Variants in TTC13 observed in about 807,000 individuals in gnomAD.
TTC13 encodes the protein tetratricopeptide repeat protein 13.
TTC13 carries 62 observed loss-of-function variants against 120.0 expected under a neutral mutation model. The observed-to-expected ratio is 0.52, with a 90% CI of 0.42 to 0.64. The LOEUF is 0.64. Among genes scored for constraint, TTC13 ranks in the 30% least tolerant of loss-of-function variants. TTC13 has a pLI of 0.00. For missense variants in TTC13, 824 were observed against 1,050.2 expected (o/e 0.78, Z 2.98); for synonymous variants, 384 against 393.5 (o/e 0.98, Z 0.28).
At chr1:230,933,903 T>C in intron 8 of TTC13, 42 bp from the exon 9 acceptor site, 2 of 1,310,460 alleles carry the variant, frequency 1.5e-6, no homozygotes, top group Non-Finnish European at 2.2e-6. Context: ...TGCATAATTG[T>C]TAAAATTGAG....
In TTC13 at chr1:230,939,370, T is replaced by G; in HGVS notation, c.900+16A>C. On this transcript the variant is annotated intron_variant, in intron 8 of 22. Coordinates refer to ENST00000366661, the MANE Select transcript of TTC13 (RefSeq NM_024525.5). ...GCAGAGTCATCATATGGTACACATA[T>G]GCACAACACTTTCACCTTCAGAAGT... 1 of 1,540,322 alleles carries G rather than the reference T, an allele frequency of 6.5e-7. No individual in the cohort carries two copies. Among genetic ancestry groups the G allele is most frequent in the Middle Eastern group, 1.7e-4 (1 of 5,894 alleles).
At chr1:230,955,670 C>CAAAAAAA (rs34027679) in intron 3 of TTC13, among the ~76,000 whole-genome samples, 18 of 106,006 alleles carry the variant, frequency 1.7e-4, no homozygotes, top group African/African-American at 4.9e-4. Flanking sequence ...GACTCCATCT[C>CAAAAAAA]AAAAAAAAAA....
In TTC13 at chr1:230,978,458, G is replaced by C. The variant is rs1443839692; in HGVS notation, c.271+102C>G. On this transcript the variant is annotated intron_variant, in intron 1 of 22. Coordinates refer to ENST00000366661, the MANE Select transcript of TTC13 (RefSeq NM_024525.5). The surrounding 1 kb of genome is among the most constrained non-coding windows in gnomAD (Gnocchi z 5.6). Reference sequence around the variant, plus strand: ...CGGCTCCCGCGGATCGCGCGCCGCAGCCGGAGGCGTGAGGCCCGGGCGACC... The same window carrying C: ...CGGCTCCCGCGGATCGCGCGCCGCACCCGGAGGCGTGAGGCCCGGGCGACC... 3 of 306,804 alleles carry C rather than the reference G, an allele frequency of 9.8e-6. No homozygotes were observed. Among genetic ancestry groups the C allele is most frequent in the Non-Finnish European group, 1.7e-5 (3 of 171,858 alleles). 19.0% of individuals were successfully genotyped at this position (306,804 alleles called of 1,614,324 possible). A position where few individuals can be genotyped will look rare whatever the true frequency, so the allele number is the denominator to read the frequency against.
chr1:230,936,686 T>C (rs1270670647), intron 8 of TTC13: 5 of 158,532 alleles, frequency 3.2e-5, no homozygotes, highest in African/African-American at 1.2e-4. Flanking sequence ...TTACATCATA[T>C]AGTAAATAAG....
At chr1:230,932,854 A>C (rs1007012883) in intron 9 of TTC13, among the ~76,000 whole-genome samples, 2 of 152,186 alleles carry the variant, frequency 1.3e-5, no homozygotes, top group African/African-American at 4.8e-5. Flanking sequence ...CACCTTTACA[A>C]GTGAGAAGCC....
intron 1 of TTC13, among the ~76,000 whole-genome samples, chr1:230,968,870 T>C (rs1444676485): frequency 6.6e-6 from 1 of 152,232 alleles, no homozygotes; most frequent in Non-Finnish European, 1.5e-5. Flanking sequence ...CTCTCTAGCA[T>C]GTAGTTAAGA....
chr1:230,921,459 T>G lies in TTC13; in HGVS notation c.1860A>C (p.Ile620=), dbSNP rs1183661246. The G allele has an allele frequency of 6.4e-7, 1 of 1,553,110 alleles. No homozygotes were observed. Among genetic ancestry groups the G allele is most frequent in the Non-Finnish European group, 8.8e-7 (1 of 1,142,436 alleles). The change falls in exon 16 of 23, where the codon ATA becomes ATC. Residue 620 remains isoleucine (I), a synonymous_variant. Transcript: ENST00000366661. ...NMRYLEYFEK[I]LHFIKDRILV... ...GAATTCTGTCTTTAATAAAATGAAG[T>G]ATTTTCTCAAAATATTCTAGGTATC...
chr1:230,969,317 A>T (rs952246737), intron 1 of TTC13, among the ~76,000 whole-genome samples: 14 of 152,206 alleles, frequency 9.2e-5, no homozygotes, highest in African/African-American at 3.4e-4. Context: ...ACGTTTAATA[A>T]GAGAAGAGTT....
At chr1:230,947,438 G>A (rs1454839274) in intron 4 of TTC13, among the ~76,000 whole-genome samples, 2 of 152,122 alleles carry the variant, frequency 1.3e-5, no homozygotes, top group Non-Finnish European at 2.9e-5. Flanking sequence ...GAGGCGGTAA[G>A]CCCAGTGAGC....
At position 230,916,039 on chromosome 1, in the gene TTC13, T is replaced by A. The variant is rs535037592; in HGVS notation, c.2093+154A>T. ...TAATACTTTAGATGTCACATTTTTT[T>A]AAATAACTGGTTATAACTGCTCACT... is the stretch of plus-strand genomic sequence containing the variant. On this transcript the variant is annotated intron_variant, in intron 18 of 22. Coordinates refer to ENST00000366661, the MANE Select transcript of TTC13 (RefSeq NM_024525.5). Among the ~76,000 whole-genome samples the A allele has an allele frequency of 4.6e-5, 7 of 152,300 alleles. No homozygotes were observed. The East Asian group carries it at 9.7e-4, about 21-fold the overall frequency.
chr1:230,929,659 A>G (rs757686396), intron 11 of TTC13, among the ~76,000 whole-genome samples: 2 of 151,988 alleles, frequency 1.3e-5, no homozygotes, highest in East Asian at 1.9e-4. Flanking sequence ...ACCACTAAAA[A>G]TCTCATTGTT....
intron 11 of TTC13, among the ~76,000 whole-genome samples, chr1:230,929,729 A>G (rs1673376342): frequency 6.6e-6 from 1 of 152,222 alleles, no homozygotes; most frequent in Admixed American, 6.5e-5. Flanking sequence ...TACTCTGTCA[A>G]CTGGTATATA....
chr1:230,954,454 C>T (rs1473252291), intron 3 of TTC13, 51 bp from the exon 4 acceptor site: 11 of 1,386,424 alleles, frequency 7.9e-6, no homozygotes, highest in Non-Finnish European at 1.1e-5. Flanking sequence ...GTAGTTCTAA[C>T]TAGAATCAAT....
rs1673533374 is a variant in TTC13 at position 230,931,285 on chromosome 1, T to C, written c.1300+13A>G. On this transcript the variant is annotated intron_variant, in intron 11 of 22. Transcript: ENST00000366661. Reference sequence around the variant, plus strand: ...GCATGAAAATCCAACAATTCTGTGATTTTCTGACTTACCTCGGAGATACTT... The same window carrying C: ...GCATGAAAATCCAACAATTCTGTGACTTTCTGACTTACCTCGGAGATACTT... 3 of 1,610,856 alleles carry C rather than the reference T, an allele frequency of 1.9e-6. No individual in the cohort carries two copies. The highest frequency in any genetic ancestry group is 2.5e-6 in the Non-Finnish European group (3 of 1,178,732).
chr1:230,971,215 G>T (rs993759488), intron 1 of TTC13, among the ~76,000 whole-genome samples: 1 of 151,676 alleles, frequency 6.6e-6, no homozygotes, highest in Non-Finnish European at 1.5e-5. Flanking sequence ...GCGTGGTGGC[G>T]GGCGCCTGTA....
chr1:230,955,628 G>A (rs554124903), intron 3 of TTC13, among the ~76,000 whole-genome samples: 6 of 141,910 alleles, frequency 4.2e-5, no homozygotes, highest in East Asian at 2.0e-4. Flanking sequence ...CCGAGATGGC[G>A]CCACTGCACT....
At chr1:230,961,496 A>C (rs1434728025) in intron 1 of TTC13, among the ~76,000 whole-genome samples, 193 bp from the exon 2 acceptor site, 1 of 152,216 alleles carries the variant, frequency 6.6e-6, no homozygotes, top group Non-Finnish European at 1.5e-5. Context: ...GCTTGAGGCA[A>C]GGAGTTCAAG....
chr1:230,951,522 G>A (rs2102924563), intron 4 of TTC13, among the ~76,000 whole-genome samples: 1 of 152,280 alleles, frequency 6.6e-6, no homozygotes, highest in Admixed American at 6.5e-5. Flanking sequence ...GTCCTGCAAG[G>A]AACAGGTAAA....
chr1:230,923,740 A>G, intron 15 of TTC13, 101 bp downstream of exon 15: 1 of 950,686 alleles, frequency 1.1e-6, no homozygotes, highest in Non-Finnish European at 1.6e-6. Context: ...CTGGTCAAAA[A>G]GTCACCAGGA....
Sources: allele counts gnomAD v4.1 joint callset (sites outside exome capture counted in the v4.1 genomes callset), GRCh38; gene constraint gnomAD v4.1.1; non-coding constraint Gnocchi (gnomAD v3.1); transcripts MANE v1.5; gene names NCBI Gene and HGNC (gene_info 2026-07-23, HGNC 2026-07-21).